CYP46A1: variants seen among roughly 807,000 people sequenced by gnomAD.
CYP46A1 encodes the protein cholesterol 24-hydroxylase.
CYP46A1 carries 20 observed loss-of-function variants against 63.3 expected under a neutral mutation model. That is an observed-to-expected ratio of 0.32 (90% CI 0.22 to 0.46). CYP46A1 has a LOEUF of 0.46. Among genes scored for constraint, CYP46A1 ranks in the 20% least tolerant of loss-of-function variants. The pLI is 1.00. For synonymous variants in CYP46A1, 268 were observed against 273.6 expected, an observed-to-expected ratio of 0.98 and a Z score of 0.20; for missense variants, 445 against 670.8, an observed-to-expected ratio of 0.66 and a Z score of 3.72.
intron 3 of CYP46A1, among the ~76,000 whole-genome samples, chr14:99,697,329 C>T (rs993098147): frequency 1.3e-5 from 2 of 152,108 alleles, no homozygotes; most frequent in African/African-American, 4.8e-5. Flanking sequence ...TAGCTTCTCC[C>T]TGGTACTTTG....
chr14:99,721,385 T>A, intron 11 of CYP46A1, 62 bp downstream of exon 11: 1 of 1,153,782 alleles, frequency 8.7e-7, no homozygotes, highest in Non-Finnish European at 1.3e-6. Flanking sequence ...CATGCCTGCT[T>A]CCTCCCTGGA....
At chr14:99,688,004 T>A (rs1024476691) in intron 1 of CYP46A1, among the ~76,000 whole-genome samples, 2 of 151,694 alleles carry the variant, frequency 1.3e-5, no homozygotes, top group African/African-American at 4.8e-5. Flanking sequence ...CCTTTCTTGG[T>A]GGGCCATGAG....
At chr14:99,723,848 T>G (rs947193125) in intron 12 of CYP46A1, among the ~76,000 whole-genome samples, 3 of 152,248 alleles carry the variant, frequency 2.0e-5, no homozygotes, top group African/African-American at 7.2e-5. Flanking sequence ...CTACCTGGAA[T>G]TGATTTTGTG....
At chr14:99,690,322 A>G (rs1411492143) in intron 1 of CYP46A1, among the ~76,000 whole-genome samples, 1 of 152,168 alleles carries the variant, frequency 6.6e-6, no homozygotes, top group Non-Finnish European at 1.5e-5. Flanking sequence ...ACGGACACCC[A>G]CACACTCATC....
At position 99,704,905 on chromosome 14, in the gene CYP46A1, G is replaced by A. The variant is rs76148658; in HGVS notation, c.444-1742G>A. ...GGGGGATAGAGGGTGAGTGCTCCAG[G>A]AGAGGGGATGTGTGTGCACCAGCCC... On this transcript the variant is annotated intron_variant, in intron 5 of 14. Transcript: ENST00000261835. 9.1e-3 allele frequency among the ~76,000 whole-genome samples: 1,386 copies of A among 152,292 alleles called. 20 individuals are homozygous for A. Among genetic ancestry groups the A allele is most frequent in the African/African-American group, 0.032 (1,315 of 41,554 alleles).
At chr14:99,714,772 A>AAG (rs2056772422) in intron 7 of CYP46A1, among the ~76,000 whole-genome samples, 1 of 151,886 alleles carries the variant, frequency 6.6e-6, no homozygotes, top group African/African-American at 2.4e-5. Flanking sequence ...AAAAAAAAAA[A>AAG]AAAAGAAAAG....
intron 3 of CYP46A1, among the ~76,000 whole-genome samples, chr14:99,698,111 A>AC (rs1430223201): frequency 6.6e-6 from 1 of 150,762 alleles, no homozygotes; most frequent in Non-Finnish European, 1.5e-5. Context: ...TCGATATTAA[A>AC]CCCCCAGGAG....
chr14:99,714,234 A>AACAAT (rs1461229828), intron 7 of CYP46A1, among the ~76,000 whole-genome samples: 3 of 152,226 alleles, frequency 2.0e-5, no homozygotes, highest in Non-Finnish European at 4.4e-5. Context: ...GATGCGGGTG[A>AACAAT]GGATAGAGAG....
At position 99,726,767 on chromosome 14, in the gene CYP46A1, C is replaced by G. The variant is rs1418447208; in HGVS notation, c.*40C>G. 2.1e-6 allele frequency: 3 copies of G among 1,443,854 alleles called. No individual in the cohort carries two copies. In the South Asian group the frequency reaches 4.2e-5, roughly 20 times the overall value. 89.4% of individuals were successfully genotyped at this position (1,443,854 alleles called of 1,614,324 possible). A position where few individuals can be genotyped will look rare whatever the true frequency, so the allele number is the denominator to read the frequency against. On this transcript the variant is annotated 3_prime_UTR_variant, in exon 15 of 15. Transcript: ENST00000261835. Reference sequence around the variant, plus strand: ...AGGACGAGACTCCTCGGGCAAGGGCCGTGCCCGCCCACCTCTGCTGCCCAC... The same window carrying G: ...AGGACGAGACTCCTCGGGCAAGGGCGGTGCCCGCCCACCTCTGCTGCCCAC...
chr14:99,684,335 G>T lies in CYP46A1; in HGVS notation c.-83G>T. The T allele has an allele frequency of 1.2e-6, 1 of 815,238 alleles. No homozygotes were observed. The highest frequency in any genetic ancestry group is 1.6e-6 in the Non-Finnish European group (1 of 621,116). 50.5% of individuals were successfully genotyped at this position (815,238 alleles called of 1,614,324 possible). A position where few individuals can be genotyped will look rare whatever the true frequency, so the allele number is the denominator to read the frequency against. On this transcript the variant is annotated 5_prime_UTR_variant, in exon 1 of 15. Transcript: ENST00000261835. Reference sequence around the variant, plus strand: ...GCCTGGGGCCGAGGCGGCGCGCGGCGCTGACAGCTGAGTCGGCTCGCGGCC... The same window carrying T: ...GCCTGGGGCCGAGGCGGCGCGCGGCTCTGACAGCTGAGTCGGCTCGCGGCC...
chr14:99,726,818 C>T lies in CYP46A1; in HGVS notation c.*91C>T, dbSNP rs193231294. 5.0e-3 allele frequency: 5,574 copies of T among 1,104,876 alleles called. 24 individuals carry two copies. The highest frequency in any genetic ancestry group is 0.01 in the Middle Eastern group (32 of 3,176). The allele number at this position is 1,104,876 out of a possible 1,614,324, so 68.4% of individuals were successfully genotyped here. ...GGCCACCCACCCTTCTCCCCTGCCC[C>T]GTCCCCTGGGCCACCCTTCACGCTG... On this transcript the variant is annotated 3_prime_UTR_variant, in exon 15 of 15. Coordinates refer to ENST00000261835, the MANE Select transcript of CYP46A1 (RefSeq NM_006668.2).
chr14:99,719,736 G>A (rs957528462), intron 10 of CYP46A1, among the ~76,000 whole-genome samples: 1 of 149,340 alleles, frequency 6.7e-6, no homozygotes, highest in Non-Finnish European at 1.5e-5. Context: ...GTATGTGTCA[G>A]AACTCCCTTC....
At chr14:99,703,637 A>T (rs2056650600) in intron 5 of CYP46A1, 1 of 985,124 alleles carries the variant, frequency 1.0e-6, no homozygotes, top group Non-Finnish European at 1.2e-6. Flanking sequence ...CTAAGATGTC[A>T]CCTACTGAGG....
At chr14:99,721,738 T>G (rs2056848313) in intron 11 of CYP46A1, among the ~76,000 whole-genome samples, 1 of 152,082 alleles carries the variant, frequency 6.6e-6, no homozygotes, top group African/African-American at 2.4e-5. Context: ...GCTCTGCCAT[T>G]GTGGCCTTGC....
intron 3 of CYP46A1, among the ~76,000 whole-genome samples, chr14:99,698,946 G>A (rs372977876): frequency 1.1e-4 from 16 of 152,224 alleles, no homozygotes; most frequent in East Asian, 9.6e-4. Context: ...CAGGTTTTCC[G>A]GTTGTTTATG....
intron 10 of CYP46A1, among the ~76,000 whole-genome samples, chr14:99,718,618 G>A (rs1460859192): frequency 6.6e-6 from 1 of 151,994 alleles, no homozygotes; most frequent in Non-Finnish European, 1.5e-5. Context: ...TATTTGAGTC[G>A]GGCCATTGGT....
chr14:99,721,877 G>A, intron 11 of CYP46A1, 79 bp from the exon 12 acceptor site: 2 of 1,197,456 alleles, frequency 1.7e-6, no homozygotes, highest in East Asian at 2.4e-5. Flanking sequence ...AAAGACAGGG[G>A]TCCCAGGCAT....
At chr14:99,700,187 G>T (rs2056619197) in intron 5 of CYP46A1, 86 bp downstream of exon 5, 1 of 1,067,340 alleles carries the variant, frequency 9.4e-7, no homozygotes, top group Non-Finnish European at 1.3e-6. Context: ...GGGGAGGGAA[G>T]TGTCCACCCA....
At chr14:99,690,385 T>G (rs2056533328) in intron 1 of CYP46A1, among the ~76,000 whole-genome samples, 1 of 152,224 alleles carries the variant, frequency 6.6e-6, no homozygotes, top group Non-Finnish European at 1.5e-5. Flanking sequence ...TATCACCCTC[T>G]GACATTGTCT....
Sources: gnomAD v4.1 joint callset for allele counts (sites outside exome capture counted in the v4.1 genomes callset) on GRCh38, gnomAD v4.1.1 for gene constraint, MANE v1.5 for transcripts, NCBI Gene and HGNC (gene_info 2026-07-23, HGNC 2026-07-21) for gene names.